The following ATXN10 variants were observed in gnomAD, a reference collection of about 807,000 sequenced individuals.
The protein encoded by ATXN10 is ataxin-10.
In ATXN10, 28 loss-of-function variants were observed where a neutral mutation model predicts 52.9. The observed-to-expected ratio is 0.53, with a 90% confidence interval of 0.39 to 0.73. ATXN10 has a LOEUF of 0.73. Among genes scored for constraint, ATXN10 ranks in the 30% least tolerant of loss-of-function variants. The pLI is 0.00. For synonymous variants in ATXN10, 226 were observed against 221.5 expected (o/e 1.02, Z -0.18); for missense variants, 565 against 577.0 (o/e 0.98, Z 0.21).
intron 5 of ATXN10, among the ~76,000 whole-genome samples, chr22:45,703,115 A>G (rs1923903982): frequency 6.6e-6 from 1 of 152,166 alleles, no homozygotes; most frequent in East Asian, 1.9e-4. Context: ...GGTGTATGAA[A>G]AAACAGTGTG....
chr22:45,773,052 G>A (rs891690944), intron 9 of ATXN10, among the ~76,000 whole-genome samples: 2 of 152,310 alleles, frequency 1.3e-5, no homozygotes, highest in African/African-American at 4.8e-5. Flanking sequence ...CTGACGCTGT[G>A]GAACCCAGAG....
chr22:45,761,823 A>G (rs1162901268), intron 9 of ATXN10, among the ~76,000 whole-genome samples: 4 of 152,186 alleles, frequency 2.6e-5, no homozygotes, highest in African/African-American at 9.6e-5. Context: ...ATTGTGTTAG[A>G]TTTTTTAAAA....
In ATXN10 at chr22:45,842,978, A is replaced by C; in HGVS notation, c.1238-13A>C. 6.2e-7 allele frequency: 1 copy of C among 1,613,750 alleles called. No homozygotes were observed. The highest frequency in any genetic ancestry group is 8.5e-7 in the Non-Finnish European group (1 of 1,179,754). ...GGAAAGTACGTTGTCACATTCCTTC[A>C]CTCTGGCTCCAGTTCTGACCCAGTG... On this transcript the variant is annotated splice_polypyrimidine_tract_variant and intron_variant, in intron 10 of 11. Transcript: ENST00000252934. The surrounding 1 kb of genome is among the most constrained non-coding windows in gnomAD (Gnocchi z 4.8).
intron 1 of ATXN10, among the ~76,000 whole-genome samples, chr22:45,680,883 G>T (rs1256999421): frequency 1.3e-5 from 2 of 152,072 alleles, no homozygotes; most frequent in Non-Finnish European, 2.9e-5. Flanking sequence ...TCATCTTCTT[G>T]ATCTAAATGA....
In ATXN10 at chr22:45,727,613, G is replaced by A. The variant is rs990233567; in HGVS notation, c.729-1812G>A. 3.3e-5 allele frequency among the ~76,000 whole-genome samples: 5 copies of A among 151,840 alleles called. No homozygotes were observed. The highest frequency in any genetic ancestry group is 1.2e-4 in the African/African-American group (5 of 41,302). ...CGATCTCAGGTGATCCCCCATCCTC[G>A]GCCTCCCAAAGTACTGGGATTTCAG... On this transcript the variant is annotated intron_variant, in intron 6 of 11. Coordinates refer to ENST00000252934, the MANE Select transcript of ATXN10 (RefSeq NM_013236.4). This position sits in a 1 kb window ranked among gnomAD's most constrained non-coding sequence, Gnocchi z 4.6.
At chr22:45,839,421 T>C (rs1421965848) in intron 10 of ATXN10, among the ~76,000 whole-genome samples, 1 of 152,258 alleles carries the variant, frequency 6.6e-6, no homozygotes, top group African/African-American at 2.4e-5. Context: ...AGCCTGGGGC[T>C]GCAGGGGGCT....
At chr22:45,710,799 C>A (rs1924216350) in intron 5 of ATXN10, among the ~76,000 whole-genome samples, 1 of 152,206 alleles carries the variant, frequency 6.6e-6, no homozygotes, top group South Asian at 2.1e-4. Flanking sequence ...TATTTCCTGT[C>A]TGGCCCTTTA....
intron 10 of ATXN10, among the ~76,000 whole-genome samples, chr22:45,813,181 C>T (rs1928340426): frequency 1.3e-5 from 2 of 152,186 alleles, no homozygotes; most frequent in African/African-American, 4.8e-5. Context: ...TCCAGCTCCG[C>T]TACCACAGAG....
chr22:45,724,481 T>C (rs1924789457), intron 6 of ATXN10, among the ~76,000 whole-genome samples: 1 of 152,204 alleles, frequency 6.6e-6, no homozygotes, highest in Non-Finnish European at 1.5e-5. Flanking sequence ...GGGAAATGTC[T>C]ATTCATGTCA....
At chr22:45,743,328 G>A (rs576441555) in intron 9 of ATXN10, among the ~76,000 whole-genome samples, 1 of 152,272 alleles carries the variant, frequency 6.6e-6, no homozygotes, top group Admixed American at 6.5e-5. Context: ...TCCAAAGACC[G>A]ACACAACGCC....
Position 45,696,890 on chromosome 22 carries a change from G to A in ATXN10, c.392-3392G>A, listed in dbSNP as rs1923629887. Among the ~76,000 whole-genome samples, 1 of 152,168 alleles carries A rather than the reference G, an allele frequency of 6.6e-6. No individual in the cohort carries two copies. Among genetic ancestry groups the A allele is most frequent in the South Asian group, 2.1e-4 (1 of 4,832 alleles). ...CCAGTTTGTCATTGAGGAGTAAATT[G>A]GTTATTTGGTTGTTAGCTTGGCTAT... On this transcript the variant is annotated intron_variant, in intron 3 of 11. Coordinates refer to ENST00000252934, the MANE Select transcript of ATXN10 (RefSeq NM_013236.4). The surrounding 1 kb of genome is among the most constrained non-coding windows in gnomAD (Gnocchi z 4.7).
In ATXN10 at chr22:45,843,642, C is replaced by G; in HGVS notation, c.1426-27C>G. Reference sequence around the variant, plus strand: ...CTTGTGAACAGATTTGCTACATCTGCAATTTTGTTTCTTTCTTCTTCTTTA... The same window carrying G: ...CTTGTGAACAGATTTGCTACATCTGGAATTTTGTTTCTTTCTTCTTCTTTA... On this transcript the variant is annotated intron_variant, in intron 11 of 11. Transcript: ENST00000252934. The surrounding 1 kb of genome is among the most constrained non-coding windows in gnomAD (Gnocchi z 4.5). 1 of 1,610,386 alleles carries G rather than the reference C, an allele frequency of 6.2e-7. No individual in the cohort carries two copies. The highest frequency in any genetic ancestry group is 1.1e-5 in the South Asian group (1 of 90,674).
chr22:45,763,487 G>C lies in ATXN10; in HGVS notation c.1173+22949G>C, dbSNP rs1601631326. 6.6e-6 allele frequency among the ~76,000 whole-genome samples: 1 copy of C among 152,280 alleles called. No individual in the cohort carries two copies. Among genetic ancestry groups the C allele is most frequent in the African/African-American group, 2.4e-5 (1 of 41,548 alleles). ...GCTTGCGCTCCTCTCCCCAGCCCCA[G>C]GTCTGCAGAGTGTGTGGCTGCTGCA... On this transcript the variant is annotated intron_variant, in intron 9 of 11. Coordinates refer to ENST00000252934, the MANE Select transcript of ATXN10 (RefSeq NM_013236.4). This position sits in a 1 kb window ranked among gnomAD's most constrained non-coding sequence, Gnocchi z 6.9.
chr22:45,672,961 A>G (rs988578462), intron 1 of ATXN10: 5 of 152,240 alleles, frequency 3.3e-5, no homozygotes, highest in Non-Finnish European at 7.3e-5. Context: ...AAAATATAAA[A>G]TGTGCGAAGC....
intron 9 of ATXN10, among the ~76,000 whole-genome samples, chr22:45,743,264 T>G (rs757218234): frequency 2.2e-4 from 33 of 152,238 alleles, no homozygotes; most frequent in Non-Finnish European, 4.1e-4. Flanking sequence ...TTCTTACGTG[T>G]GTCAACAAAA....
rs1215713154 is a variant in ATXN10, at chr22:45,728,003, C to T, written c.729-1422C>T. Among the ~76,000 whole-genome samples the T allele has an allele frequency of 2.0e-5, 3 of 151,990 alleles. No homozygotes were observed. The East Asian group carries it at 5.8e-4, about 29-fold the overall frequency. On this transcript the variant is annotated intron_variant, in intron 6 of 11. Coordinates refer to ENST00000252934, the MANE Select transcript of ATXN10 (RefSeq NM_013236.4). This position sits in a 1 kb window ranked among gnomAD's most constrained non-coding sequence, Gnocchi z 4.3. ...ATGTTTTAGGTGAGTCTCTTGAAGA[C>T]AGCAGGTATTTGGTTTGTGATTTTT...
At position 45,833,069 on chromosome 22, in the gene ATXN10, A is replaced by G. The variant is rs1929043961; in HGVS notation, c.1238-9922A>G. ...ATTAGAATTAGAGATCTCCTTGTTGAAAGAAATCAATCAGACTGCAGGTAA... is the reference window on the plus strand; with the variant it reads ...ATTAGAATTAGAGATCTCCTTGTTGGAAGAAATCAATCAGACTGCAGGTAA... On this transcript the variant is annotated intron_variant, in intron 10 of 11. Transcript: ENST00000252934. The surrounding 1 kb of genome is among the most constrained non-coding windows in gnomAD (Gnocchi z 4.3). 2.0e-5 allele frequency among the ~76,000 whole-genome samples: 3 copies of G among 152,332 alleles called. No individual in the cohort carries two copies. In the South Asian group the frequency reaches 6.2e-4, roughly 32 times the overall value.
At chr22:45,692,171 ATACT>A (rs995975772) in intron 2 of ATXN10, among the ~76,000 whole-genome samples, 6 of 152,136 alleles carry the variant, frequency 3.9e-5, no homozygotes, top group African/African-American at 1.5e-4. Flanking sequence ...GTTTATGTTA[ATACT>A]TTCTTTCAAA....
intron 6 of ATXN10, among the ~76,000 whole-genome samples, chr22:45,723,728 G>A (rs1168950477): frequency 1.3e-5 from 2 of 151,538 alleles, no homozygotes; most frequent in East Asian, 1.9e-4. Flanking sequence ...GGTGGAGGAA[G>A]TCAGATCACT....
Sources: allele counts gnomAD v4.1 joint callset (sites outside exome capture counted in the v4.1 genomes callset), GRCh38; gene constraint gnomAD v4.1.1; non-coding constraint Gnocchi (gnomAD v3.1); transcripts MANE v1.5; gene names NCBI Gene and HGNC (gene_info 2026-07-23, HGNC 2026-07-21).